Variants in MTDH observed in about 807,000 individuals in gnomAD.
MTDH encodes metadherin.
A neutral mutation model predicts 72.7 loss-of-function variants in MTDH; 34 were observed. That is an observed-to-expected ratio of 0.47 (90% confidence interval 0.36 to 0.62). The LOEUF is 0.62. Ranked by LOEUF, MTDH falls within the 20% of genes least tolerant of loss-of-function variation. The pLI, the probability that MTDH is intolerant of heterozygous loss-of-function variation, is 0.00. For synonymous variants in MTDH, 266 were observed against 268.9 expected (o/e 0.99, Z 0.10); for missense variants, 677 against 699.4 (o/e 0.97, Z 0.36).
In MTDH at chr8:97,706,820, C is replaced by G. The variant is rs1231186328; in HGVS notation, c.1272+70C>G. On this transcript the variant is annotated intron_variant, in intron 8 of 11. Transcript: ENST00000336273. Reference sequence around the variant, plus strand: ...ACAGGCTGGGCACAGTGGCTCACGCCTATGATTCCAGCACTTTGGGAGGTA... The same window carrying G: ...ACAGGCTGGGCACAGTGGCTCACGCGTATGATTCCAGCACTTTGGGAGGTA... 2.7e-6 allele frequency: 4 copies of G among 1,509,018 alleles called. No homozygotes were observed. In the African/African-American group the frequency reaches 4.2e-5, roughly 16 times the overall value. 93.5% of individuals were successfully genotyped at this position (1,509,018 alleles called of 1,614,324 possible). A position where few individuals can be genotyped will look rare whatever the true frequency, so the allele number is the denominator to read the frequency against.
chr8:97,691,859 G>GT (rs1813621329), intron 6 of MTDH, among the ~76,000 whole-genome samples: 1 of 151,260 alleles, frequency 6.6e-6, no homozygotes, highest in Non-Finnish European at 1.5e-5. Context: ...TGTATATAGT[G>GT]TTTTTTGTTG....
At chr8:97,648,848 A>G (rs919851201) in intron 1 of MTDH, among the ~76,000 whole-genome samples, 4 of 152,214 alleles carry the variant, frequency 2.6e-5, no homozygotes, top group African/African-American at 2.4e-5. Flanking sequence ...TAATATAGTA[A>G]GATGTCCAAC....
chr8:97,696,391 A>T, intron 6 of MTDH: 11 of 449,958 alleles, frequency 2.4e-5, no homozygotes, highest in Non-Finnish European at 2.6e-5. Context: ...TACTGCTATC[A>T]ATATAAATAG....
intron 6 of MTDH, among the ~76,000 whole-genome samples, chr8:97,697,845 T>G (rs1813932388): frequency 6.6e-6 from 1 of 152,164 alleles, no homozygotes; most frequent in Non-Finnish European, 1.5e-5. Context: ...TGCTTCCTCA[T>G]TTGGTGACTC....
intron 2 of MTDH, among the ~76,000 whole-genome samples, chr8:97,670,074 GGAGGCT>G (rs1385385419): frequency 3.9e-5 from 6 of 152,190 alleles, no homozygotes; most frequent in Admixed American, 3.3e-4. Flanking sequence ...CATCACTTTA[GGAGGCT>G]GAGACATGTG....
chr8:97,702,838 T>C lies in MTDH; in HGVS notation c.1147+2986T>C, dbSNP rs765308080. On this transcript the variant is annotated intron_variant, in intron 7 of 11. Coordinates refer to ENST00000336273, the MANE Select transcript of MTDH (RefSeq NM_178812.4). ...AAACAGCTGACAACCAAATAAAGAC[T>C]AGCGAAGAGATACTTAAACCTAAAA... Among the ~76,000 whole-genome samples, 46 of 151,060 alleles carry C rather than the reference T, an allele frequency of 3.0e-4. 1 individual carries two copies. The highest frequency in any genetic ancestry group is 1.0e-4 in the Non-Finnish European group (7 of 67,778).
intron 7 of MTDH, among the ~76,000 whole-genome samples, chr8:97,702,795 G>T (rs189881278): frequency 9.5e-4 from 144 of 152,246 alleles, no homozygotes; most frequent in African/African-American, 3.3e-3. Context: ...TCTTTGAAAA[G>T]AATTAAGTTC....
At chr8:97,692,649 A>G (rs897581354) in intron 6 of MTDH, among the ~76,000 whole-genome samples, 1 of 152,030 alleles carries the variant, frequency 6.6e-6, no homozygotes, top group African/African-American at 2.4e-5. Context: ...AAGTGTTAGG[A>G]TTACAGGCCA....
intron 7 of MTDH, 124 bp from the exon 8 acceptor site, chr8:97,706,502 T>A: frequency 1.2e-6 from 1 of 849,358 alleles, no homozygotes; most frequent in Non-Finnish European, 1.6e-6. Context: ...GCTCTTAAAA[T>A]GTGCTTGGGA....
At chr8:97,649,428 C>T (rs1160711965) in intron 1 of MTDH, among the ~76,000 whole-genome samples, 1 of 152,122 alleles carries the variant, frequency 6.6e-6, no homozygotes, top group African/African-American at 2.4e-5. Context: ...ATGTTCACAT[C>T]CTTTCAGTAG....
intron 2 of MTDH, among the ~76,000 whole-genome samples, chr8:97,674,814 C>CTT (rs112748148): frequency 6.8e-6 from 1 of 147,596 alleles, no homozygotes; most frequent in African/African-American, 2.5e-5. Flanking sequence ...ACTCAGCATT[C>CTT]TTTTTTTTTT....
chr8:97,650,265 T>C (rs1173769228), intron 1 of MTDH, among the ~76,000 whole-genome samples: 3 of 151,536 alleles, frequency 2.0e-5, no homozygotes, highest in African/African-American at 4.9e-5. Flanking sequence ...CAGTTTCTTT[T>C]CTTATTTTTA....
chr8:97,719,793 T>G (rs1815033949), intron 10 of MTDH, among the ~76,000 whole-genome samples: 1 of 152,164 alleles, frequency 6.6e-6, no homozygotes, highest in Non-Finnish European at 1.5e-5. Flanking sequence ...TATGAGTGGT[T>G]TCATTTTCCC....
At chr8:97,671,101 G>A (rs1030795567) in intron 2 of MTDH, among the ~76,000 whole-genome samples, 1 of 151,934 alleles carries the variant, frequency 6.6e-6, no homozygotes, top group Non-Finnish European at 1.5e-5. Flanking sequence ...GAGTAGCTGG[G>A]ACTACAGGCG....
At chr8:97,674,383 A>T (rs970951336) in intron 2 of MTDH, among the ~76,000 whole-genome samples, 4 of 152,196 alleles carry the variant, frequency 2.6e-5, no homozygotes, top group Non-Finnish European at 1.5e-5. Flanking sequence ...CAGTTTTCAC[A>T]CTCTCATCCT....
chr8:97,666,349 CA>C (rs1275496518), intron 2 of MTDH, among the ~76,000 whole-genome samples: 2 of 152,150 alleles, frequency 1.3e-5, no homozygotes, highest in African/African-American at 4.8e-5. Context: ...AAAACATTTT[CA>C]TATCTCTTAA....
At chr8:97,694,869 G>C (rs997867388) in intron 6 of MTDH, among the ~76,000 whole-genome samples, 4 of 151,850 alleles carry the variant, frequency 2.6e-5, no homozygotes, top group Non-Finnish European at 5.9e-5. Flanking sequence ...ATTGCAGTGA[G>C]CCAAGGTCGA....
chr8:97,670,084 A>G lies in MTDH; in HGVS notation c.483+8911A>G, dbSNP rs150555022. Among the ~76,000 whole-genome samples the G allele has an allele frequency of 7.7e-3, 1,173 of 152,118 alleles. 15 individuals are homozygous for G. The highest frequency in any genetic ancestry group is 0.026 in the African/African-American group (1,097 of 41,464). On this transcript the variant is annotated intron_variant, in intron 2 of 11. Transcript: ENST00000336273. ...AGTCCCATCACTTTAGGAGGCTGAG[A>G]CATGTGGATCACTTGAGGCCAAGAG...
Position 97,727,899 on chromosome 8 carries a change from G to A in MTDH, c.*3229G>A, listed in dbSNP as rs947247012. On this transcript the variant is annotated 3_prime_UTR_variant, in exon 12 of 12. Coordinates refer to ENST00000336273, the MANE Select transcript of MTDH (RefSeq NM_178812.4). ...TCCAAAAAAAAAAGTATTAAAATGTGATTGATGTAATTTACCATGTTTACT... is the reference window on the plus strand; with the variant it reads ...TCCAAAAAAAAAAGTATTAAAATGTAATTGATGTAATTTACCATGTTTACT... 2.0e-5 allele frequency: 3 copies of A among 152,212 alleles called. No individual in the cohort carries two copies. Among genetic ancestry groups the A allele is most frequent in the African/African-American group, 4.8e-5 (2 of 41,532 alleles). The allele number at this position is 152,212 out of a possible 1,614,324, so 9.4% of individuals were successfully genotyped here. A position where few individuals can be genotyped will look rare whatever the true frequency, so the allele number is the denominator to read the frequency against.
Sources: allele counts gnomAD v4.1 joint callset (sites outside exome capture counted in the v4.1 genomes callset), GRCh38; gene constraint gnomAD v4.1.1; transcripts MANE v1.5; gene names NCBI Gene and HGNC (gene_info 2026-07-23, HGNC 2026-07-21).